The following SLC2A12 variants were observed in gnomAD, a reference collection of about 807,000 sequenced individuals.
SLC2A12 encodes solute carrier family 2, facilitated glucose transporter member 12.
A neutral mutation model predicts 41.8 loss-of-function variants in SLC2A12; 23 were observed. The ratio of observed to expected loss-of-function variants is 0.55; its 90% CI spans 0.40 to 0.78. SLC2A12 has a LOEUF of 0.78. Among genes scored for constraint, SLC2A12 ranks in the 30% least tolerant of loss-of-function variants. SLC2A12 has a pLI of 0.00. For synonymous variants in SLC2A12, 295 were observed against 285.9 expected (o/e 1.03, Z -0.32); for missense variants, 654 against 745.6 (o/e 0.88, Z 1.43).
At chr6:134,040,315 G>A (rs948175642) in intron 1 of SLC2A12, among the ~76,000 whole-genome samples, 1 of 152,068 alleles carries the variant, frequency 6.6e-6, no homozygotes, top group Non-Finnish European at 1.5e-5. Context: ...CGGAGCTCAA[G>A]TGATCCTCCC....
At chr6:134,002,393 G>A (rs776292173) in intron 3 of SLC2A12, among the ~76,000 whole-genome samples, 4 of 152,028 alleles carry the variant, frequency 2.6e-5, no homozygotes, top group Non-Finnish European at 5.9e-5. Context: ...TGGTGGGCAT[G>A]TCTTTCTGTT....
intron 2 of SLC2A12, among the ~76,000 whole-genome samples, chr6:134,024,563 A>T (rs1777088940): frequency 6.6e-6 from 1 of 152,212 alleles, no homozygotes; most frequent in South Asian, 2.1e-4. Flanking sequence ...GCAATTGCTC[A>T]GGCTGTCTAC....
At chr6:134,039,818 A>G (rs1777355746) in intron 1 of SLC2A12, among the ~76,000 whole-genome samples, 2 of 152,094 alleles carry the variant, frequency 1.3e-5, no homozygotes, top group South Asian at 4.1e-4. Context: ...CTGAATTCAG[A>G]TAAGATCTGG....
At chr6:134,018,753 A>ATTTT (rs56773136) in intron 2 of SLC2A12, among the ~76,000 whole-genome samples, 19 of 150,118 alleles carry the variant, frequency 1.3e-4, no homozygotes, top group African/African-American at 4.4e-4. Flanking sequence ...AGGTGTGTTC[A>ATTTT]TTTTTTTTTT....
chr6:134,001,853 T>G (rs1776757403), intron 4 of SLC2A12, 144 bp downstream of exon 4: 1 of 765,792 alleles, frequency 1.3e-6, no homozygotes, highest in Non-Finnish European at 1.9e-6. Flanking sequence ...ATTGGAATTA[T>G]GCACTGAGAC....
intron 1 of SLC2A12, among the ~76,000 whole-genome samples, chr6:134,041,596 CT>C (rs79991018): frequency 0.44 from 66,941 of 151,786 alleles, 15,063 homozygotes; most frequent in South Asian, 0.56. Context: ...GAGAAAGCAG[CT>C]CTGAGGGTCT....
chr6:134,004,688 C>T (rs192549330), intron 3 of SLC2A12, among the ~76,000 whole-genome samples: 1 of 152,316 alleles, frequency 6.6e-6, no homozygotes, highest in Admixed American at 6.5e-5. Flanking sequence ...TACTGGGGAA[C>T]TGCCACATTA....
At chr6:134,027,988 T>C (rs923375366) in intron 2 of SLC2A12, among the ~76,000 whole-genome samples, 1 of 152,154 alleles carries the variant, frequency 6.6e-6, no homozygotes, top group African/African-American at 2.4e-5. Flanking sequence ...TTTAAGAAAA[T>C]CTAAACCCTT....
At chr6:134,016,835 AT>A (rs1336705468) in intron 2 of SLC2A12, among the ~76,000 whole-genome samples, 1 of 152,188 alleles carries the variant, frequency 6.6e-6, no homozygotes, top group Non-Finnish European at 1.5e-5. Context: ...GAGAGATTTA[AT>A]GTGATTCTTA....
At chr6:134,018,402 T>A (rs147341590) in intron 2 of SLC2A12, among the ~76,000 whole-genome samples, 63 of 152,280 alleles carry the variant, frequency 4.1e-4, no homozygotes, top group African/African-American at 1.4e-3. Context: ...TCCTGCATGG[T>A]GGTGCTGGAT....
intron 2 of SLC2A12, among the ~76,000 whole-genome samples, chr6:134,011,846 A>AGCCT (rs1251498613): frequency 6.6e-6 from 1 of 152,304 alleles, no homozygotes; most frequent in Non-Finnish European, 1.5e-5. Flanking sequence ...GTTTGAGACC[A>AGCCT]GCCTGGCCAG....
At chr6:134,021,150 G>A (rs1000400758) in intron 2 of SLC2A12, among the ~76,000 whole-genome samples, 2 of 151,992 alleles carry the variant, frequency 1.3e-5, no homozygotes, top group African/African-American at 4.8e-5. Context: ...TCGTGATGGT[G>A]TCTGGCAGGA....
chr6:134,018,186 A>G (rs1776989595), intron 2 of SLC2A12, among the ~76,000 whole-genome samples: 1 of 152,148 alleles, frequency 6.6e-6, no homozygotes, highest in African/African-American at 2.4e-5. Flanking sequence ...CATTATCAGA[A>G]CTGTTCACCT....
intron 2 of SLC2A12, among the ~76,000 whole-genome samples, chr6:134,020,316 T>G (rs1423462416): frequency 6.6e-6 from 1 of 152,220 alleles, no homozygotes; most frequent in Non-Finnish European, 1.5e-5. Flanking sequence ...GTACTTTTCC[T>G]TCATACCTCT....
chr6:134,027,576 C>CT (rs1398775095), intron 2 of SLC2A12, among the ~76,000 whole-genome samples: 2 of 151,864 alleles, frequency 1.3e-5, no homozygotes, highest in Non-Finnish European at 2.9e-5. Context: ...TTAAGTCCTC[C>CT]TTTTTTTTCT....
intron 1 of SLC2A12, among the ~76,000 whole-genome samples, chr6:134,043,460 C>T (rs907907506): frequency 6.6e-6 from 1 of 152,114 alleles, no homozygotes; most frequent in Non-Finnish European, 1.5e-5. Flanking sequence ...ATTTCTAAAA[C>T]TCCCACTTCT....
intron 1 of SLC2A12, among the ~76,000 whole-genome samples, chr6:134,035,061 C>T (rs896696909): frequency 2.1e-5 from 3 of 145,252 alleles, no homozygotes; most frequent in Non-Finnish European, 4.5e-5. Context: ...TGTTGGGGCT[C>T]GGAATAAGAT....
At chr6:134,011,610 A>G (rs1776884757) in intron 2 of SLC2A12, among the ~76,000 whole-genome samples, 1 of 152,070 alleles carries the variant, frequency 6.6e-6, no homozygotes, top group Non-Finnish European at 1.5e-5. Flanking sequence ...ATTTCTTTTT[A>G]TTTACTCTAA....
At chr6:134,046,642 A>T (rs988383065) in intron 1 of SLC2A12, among the ~76,000 whole-genome samples, 27 of 151,830 alleles carry the variant, frequency 1.8e-4, no homozygotes, top group African/African-American at 3.6e-4. Flanking sequence ...CTACTAAAAA[A>T]AAATATATAT....
Sources: allele counts gnomAD v4.1 joint callset (sites outside exome capture counted in the v4.1 genomes callset), GRCh38; gene constraint gnomAD v4.1.1; transcripts MANE v1.5; gene names NCBI Gene and HGNC (gene_info 2026-07-23, HGNC 2026-07-21).